The following UGT1A6 variants were observed in gnomAD, a reference collection of about 807,000 sequenced individuals.
UGT1A6 encodes UDP-glucuronosyltransferase 1A6.
Under a neutral mutation model 44.4 loss-of-function variants are expected in UGT1A6, and 32 were observed. The observed-to-expected ratio is 0.72, with a 90% CI of 0.54 to 0.97. UGT1A6 has a LOEUF of 0.97. UGT1A6 is among the 50% of genes least tolerant of loss of function. UGT1A6 has a pLI of 0.00. For missense variants in UGT1A6, 685 were observed against 661.9 expected (o/e 1.03, Z -0.38); for synonymous variants, 238 against 248.5 (o/e 0.96, Z 0.40).
chr2:233,725,192 A>G lies in UGT1A6; in HGVS notation c.861+31327A>G, dbSNP rs1239126007. On this transcript the variant is annotated intron_variant, in intron 1 of 4. Coordinates refer to ENST00000305139, the MANE Select transcript of UGT1A6 (RefSeq NM_001072.4). ...GGAGACCGTGGGGAGAGGCAGAGGC[A>G]GAGGCAGAGGCAGAGGCAGAGGCAG... is the stretch of plus-strand genomic sequence containing the variant. Among the ~76,000 whole-genome samples, 60 of 84,600 alleles carry G rather than the reference A, an allele frequency of 7.1e-4. 1 individual carries two copies. The highest frequency in any genetic ancestry group is 0.011 in the Middle Eastern group (2 of 180). The allele number at this position is 84,600 out of a possible 152,430, so 55.5% of individuals were successfully genotyped here.
At chr2:233,742,895 GA>G in intron 1 of UGT1A6, 1 of 165,112 alleles carries the variant, frequency 6.1e-6, no homozygotes, top group Non-Finnish European at 1.3e-5. Flanking sequence ...TTTCCCAACG[GA>G]AAAAGGTAAT....
chr2:233,757,874 A>G (rs1242256383), intron 1 of UGT1A6, among the ~76,000 whole-genome samples: 10 of 152,078 alleles, frequency 6.6e-5, no homozygotes, highest in Admixed American at 5.9e-4. Flanking sequence ...AAGTAGCTTC[A>G]AAAGGGTTCC....
At position 233,747,166 on chromosome 2, in the gene UGT1A6, G is replaced by C. The variant is rs1272270999; in HGVS notation, c.862-19868G>C. The C allele has an allele frequency of 9.4e-6, 15 of 1,592,462 alleles. No individual in the cohort carries two copies. In the East Asian group the frequency reaches 2.9e-4, roughly 31 times the overall value. On this transcript the variant is annotated intron_variant, in intron 1 of 4. Coordinates refer to ENST00000305139, the MANE Select transcript of UGT1A6 (RefSeq NM_001072.4). ...ATTAAGATGAAGAAAACAAATGTAG[G>C]AGGCACAGCGTGGGGTGGACAGTCA...
At chr2:233,760,547 A>T (rs533766461) in intron 1 of UGT1A6, 1 of 1,614,192 alleles carries the variant, frequency 6.2e-7, no homozygotes, top group African/African-American at 1.3e-5. Context: ...CAAAGGGAGG[A>T]TGTGAAAGAG....
chr2:233,743,876 G>A (rs1382161508), intron 1 of UGT1A6: 2 of 1,367,016 alleles, frequency 1.5e-6, no homozygotes. Flanking sequence ...CTCGGATGAG[G>A]CCTGCCGGGG....
rs950932071 is a variant in UGT1A6 at position 233,766,252 on chromosome 2, CGCTCAGTGGCCCGG to C, written c.862-777_862-764del. ...GGAAGGGTTTCCCCTGGAGTCAGAC[CGCTCAGTGGCCCGG>C]GCTCGGTGGCCCGGGCTCGGTGGCC... On this transcript the variant is annotated intron_variant, in intron 1 of 4. Coordinates refer to ENST00000305139, the MANE Select transcript of UGT1A6 (RefSeq NM_001072.4). 1.1e-4 allele frequency among the ~76,000 whole-genome samples: 17 copies of C among 151,626 alleles called. 1 individual carries two copies. The highest frequency in any genetic ancestry group is 3.4e-4 in the African/African-American group (14 of 41,194).
chr2:233,724,160 G>A (rs2077179945), intron 1 of UGT1A6, among the ~76,000 whole-genome samples: 4 of 120,854 alleles, frequency 3.3e-5, no homozygotes, highest in Admixed American at 7.7e-5. Context: ...GGGTGGGGGG[G>A]CTGACCCCCC....
chr2:233,736,749 T>C (rs1395071479), intron 1 of UGT1A6, among the ~76,000 whole-genome samples: 1 of 152,196 alleles, frequency 6.6e-6, no homozygotes, highest in African/African-American at 2.4e-5. Flanking sequence ...TTTCTGTTTG[T>C]TAGTTTTCCT....
chr2:233,694,865 A>G (rs2075244245), intron 1 of UGT1A6, among the ~76,000 whole-genome samples: 1 of 152,230 alleles, frequency 6.6e-6, no homozygotes, highest in Non-Finnish European at 1.5e-5. Context: ...GACATAATAT[A>G]GTTGTACACA....
At chr2:233,719,824 T>G in intron 1 of UGT1A6, 2 of 1,564,874 alleles carry the variant, frequency 1.3e-6, no homozygotes, top group South Asian at 2.4e-5. Context: ...GATAAACTGT[T>G]GAGGGGCCTA....
rs111385892 is a variant in UGT1A6, at chr2:233,757,128, A to T, written c.862-9906A>T. Among the ~76,000 whole-genome samples the T allele has an allele frequency of 1.2e-3, 185 of 151,286 alleles. 2 individuals carry two copies. The highest frequency in any genetic ancestry group is 4.0e-3 in the African/African-American group (165 of 41,200). On this transcript the variant is annotated intron_variant, in intron 1 of 4. Transcript: ENST00000305139. Reference sequence around the variant, plus strand: ...CAAGCAGAAGGGCTAGAGAGGAGGAATGAGCTTGGACAGGTGGGCTGGGGT... The same window carrying T: ...CAAGCAGAAGGGCTAGAGAGGAGGATTGAGCTTGGACAGGTGGGCTGGGGT...
chr2:233,765,364 C>T (rs1321623468), intron 1 of UGT1A6, among the ~76,000 whole-genome samples: 1 of 152,168 alleles, frequency 6.6e-6, no homozygotes, highest in African/African-American at 2.4e-5. Flanking sequence ...CCCAGATGCC[C>T]ATCAATGGTA....
chr2:233,724,386 G>A (rs1217254636), intron 1 of UGT1A6, among the ~76,000 whole-genome samples: 4 of 141,148 alleles, frequency 2.8e-5, no homozygotes, highest in Non-Finnish European at 3.1e-5. Flanking sequence ...GGGCGGAGAC[G>A]CTCCTCACTT....
At chr2:233,760,858 T>C (rs1196570380) in intron 1 of UGT1A6, 1 of 1,614,090 alleles carries the variant, frequency 6.2e-7, no homozygotes, top group Non-Finnish European at 8.5e-7. Flanking sequence ...CAACCCATTC[T>C]CCTACGTGCC....
In UGT1A6 at chr2:233,772,395, G is replaced by A. The variant is rs751579554; in HGVS notation, c.1435G>A (p.Asp479Asn). 90 of 1,614,226 alleles carry A rather than the reference G, an allele frequency of 5.6e-5. 1 individual carries two copies. The highest frequency in any genetic ancestry group is 1.6e-4 in the Middle Eastern group (1 of 6,062). ...GAPHLRPAAH[D>N]LTWYQYHSLD... ...GCCACACCTGCGCCCCGCAGCCCAC[G>A]ACCTCACCTGGTACCAGTACCATTC... Residue 479 changes from aspartate (D) to asparagine (N), a missense_variant, in exon 5 of 5, where the codon GAC becomes AAC. Coordinates refer to ENST00000305139, the MANE Select transcript of UGT1A6 (RefSeq NM_001072.4).
intron 1 of UGT1A6, chr2:233,760,840 C>T: frequency 6.2e-7 from 1 of 1,613,860 alleles, no homozygotes; most frequent in Non-Finnish European, 8.5e-7. Context: ...TGAGGCTACC[C>T]AGTGCCCCAA....
chr2:233,745,820 G>A (rs894778963), intron 1 of UGT1A6, among the ~76,000 whole-genome samples: 23 of 151,370 alleles, frequency 1.5e-4, no homozygotes, highest in African/African-American at 5.1e-4. Context: ...TGAGAGCAAG[G>A]CAGAGGACTC....
chr2:233,703,582 A>C (rs1020414492), intron 1 of UGT1A6, among the ~76,000 whole-genome samples: 3 of 152,068 alleles, frequency 2.0e-5, no homozygotes, highest in Admixed American at 6.5e-5. Flanking sequence ...GGTCTATATT[A>C]TCTTGCTTCA....
chr2:233,712,023 T>C lies in UGT1A6; in HGVS notation c.861+18158T>C, dbSNP rs2076210876. 2.6e-5 allele frequency among the ~76,000 whole-genome samples: 4 copies of C among 152,212 alleles called. No homozygotes were observed. The South Asian group carries it at 8.3e-4, about 32-fold the overall frequency. ...TGGAGGAACCATTCTTATCAGAACT[T>C]GGTGCTGGATTGACTTGGAAAAAAG... On this transcript the variant is annotated intron_variant, in intron 1 of 4. Coordinates refer to ENST00000305139, the MANE Select transcript of UGT1A6 (RefSeq NM_001072.4).
Sources: allele counts gnomAD v4.1 joint callset (sites outside exome capture counted in the v4.1 genomes callset), GRCh38; gene constraint gnomAD v4.1.1; transcripts MANE v1.5; gene names NCBI Gene and HGNC (gene_info 2026-07-23, HGNC 2026-07-21).